The following OXR1 variants were observed in gnomAD, a reference collection of about 807,000 sequenced individuals.
OXR1 encodes oxidation resistance protein 1.
A neutral mutation model predicts 104.6 loss-of-function variants in OXR1; 41 were observed. The observed-to-expected ratio is 0.39, with a 90% CI of 0.31 to 0.51. The LOEUF (loss-of-function observed/expected upper bound fraction) is 0.51, where lower values mean the gene tolerates loss of function less well. Among genes scored for constraint, OXR1 ranks in the 20% least tolerant of loss-of-function variants. The probability of loss-of-function intolerance (pLI) is 0.77; values close to 1 mark genes in which losing one functional copy is unlikely to be tolerated. For missense variants in OXR1, 955 were observed against 1,031.9 expected, an observed-to-expected ratio of 0.93 and a Z score of 1.02; for synonymous variants, 348 against 348.4, an observed-to-expected ratio of 1.00 and a Z score of 0.01.
intron 2 of OXR1, among the ~76,000 whole-genome samples, chr8:106,372,138 C>A (rs909003697): frequency 1.8e-4 from 27 of 152,152 alleles, no homozygotes; most frequent in African/African-American, 6.3e-4. Flanking sequence ...GAACAGTAGG[C>A]CTGGTGGCAT....
At position 106,303,253 on chromosome 8, in the gene OXR1, T is replaced by C. The variant is rs1366317561; in HGVS notation, c.-139+32886T>C. Among the ~76,000 whole-genome samples the C allele has an allele frequency of 3.0e-3, 296 of 98,066 alleles. 1 individual carries two copies. Among genetic ancestry groups the C allele is most frequent in the African/African-American group, 0.011 (191 of 16,960 alleles). 64.3% of individuals were successfully genotyped at this position (98,066 alleles called of 152,430 possible). ...TTGGCAATTTTTTTTTCTTTCTTTT[T>C]TTTTTTTTTTTTTTTTTTGAGTCAG... On this transcript the variant is annotated intron_variant, in intron 1 of 16. Transcript: ENST00000517566.
chr8:106,492,263 A>G (rs979307459), intron 2 of OXR1, among the ~76,000 whole-genome samples: 2 of 152,172 alleles, frequency 1.3e-5, no homozygotes, highest in Non-Finnish European at 2.9e-5. Context: ...AGCAAGTGCT[A>G]TGTGTTGCTA....
chr8:106,563,043 C>T (rs368366022), intron 3 of OXR1, among the ~76,000 whole-genome samples: 63 of 152,194 alleles, frequency 4.1e-4, no homozygotes, highest in African/African-American at 1.4e-3. Context: ...ACCATTGACA[C>T]GACAAAGAAA....
intron 2 of OXR1, among the ~76,000 whole-genome samples, chr8:106,443,378 T>A (rs1263571087): frequency 6.6e-6 from 1 of 152,126 alleles, no homozygotes; most frequent in East Asian, 1.9e-4. Flanking sequence ...GAACAATGTA[T>A]ACTCTGTTGA....
intron 2 of OXR1, among the ~76,000 whole-genome samples, chr8:106,391,449 A>T (rs1185871612): frequency 6.6e-6 from 1 of 152,164 alleles, no homozygotes; most frequent in Non-Finnish European, 1.5e-5. Context: ...TGACCATGAC[A>T]TACACTCCTT....
At chr8:106,738,852 CA>C (rs1375939692) in intron 12 of OXR1, among the ~76,000 whole-genome samples, 3 of 150,494 alleles carry the variant, frequency 2.0e-5, no homozygotes, top group African/African-American at 7.3e-5. Flanking sequence ...TTGTTTGGTC[CA>C]AGTAGATGAA....
intron 3 of OXR1, among the ~76,000 whole-genome samples, chr8:106,535,221 G>A (rs1391973728): frequency 6.6e-6 from 1 of 152,048 alleles, no homozygotes; most frequent in African/African-American, 2.4e-5. Flanking sequence ...TCTTGGACGA[G>A]AACTATGATC....
chr8:106,545,283 A>G (rs78700118), intron 3 of OXR1, among the ~76,000 whole-genome samples: 7,494 of 152,316 alleles, frequency 0.049, 208 homozygotes, highest in Middle Eastern at 0.068. Flanking sequence ...AATGTGATTG[A>G]TTGTCTGAAA....
chr8:106,748,512 T>G (rs1340737961), intron 16 of OXR1, among the ~76,000 whole-genome samples: 1 of 151,536 alleles, frequency 6.6e-6, no homozygotes, highest in Non-Finnish European at 1.5e-5. Context: ...TGTGAATTAC[T>G]ATACTGATCT....
At chr8:106,383,436 T>C (rs576231830) in intron 2 of OXR1, among the ~76,000 whole-genome samples, 2 of 152,324 alleles carry the variant, frequency 1.3e-5, no homozygotes, top group Non-Finnish European at 2.9e-5. Flanking sequence ...AAATGAAGCA[T>C]CGCCTGTAAG....
intron 1 of OXR1, among the ~76,000 whole-genome samples, chr8:106,283,224 C>T (rs908879765): frequency 2.0e-5 from 3 of 152,220 alleles, no homozygotes; most frequent in Non-Finnish European, 4.4e-5. Flanking sequence ...GGGCTTTCTA[C>T]AGGGCTTTTC....
At chr8:106,271,125 A>G (rs755966722) in intron 1 of OXR1, among the ~76,000 whole-genome samples, 2 of 151,682 alleles carry the variant, frequency 1.3e-5, no homozygotes, top group African/African-American at 2.4e-5. Context: ...CGGGCGGAGG[A>G]ACTGGGCTGC....
At chr8:106,572,681 T>G (rs577095628) in intron 3 of OXR1, among the ~76,000 whole-genome samples, 3 of 152,288 alleles carry the variant, frequency 2.0e-5, no homozygotes, top group South Asian at 2.1e-4. Flanking sequence ...AAACTGCTCT[T>G]TCTCTAGTAT....
intron 2 of OXR1, among the ~76,000 whole-genome samples, chr8:106,501,633 C>G (rs1811814539): frequency 6.6e-6 from 1 of 152,096 alleles, no homozygotes; most frequent in Admixed American, 6.5e-5. Flanking sequence ...TAGGAGTCTC[C>G]CAATGATCCT....
chr8:106,363,431 A>G (rs1350587313), intron 2 of OXR1, among the ~76,000 whole-genome samples: 2 of 152,222 alleles, frequency 1.3e-5, no homozygotes, highest in Non-Finnish European at 2.9e-5. Context: ...AAAGAAATAA[A>G]CTAATTGCAA....
chr8:106,336,446 T>A (rs1814970086), intron 1 of OXR1, among the ~76,000 whole-genome samples: 1 of 152,246 alleles, frequency 6.6e-6, no homozygotes, highest in African/African-American at 2.4e-5. Flanking sequence ...AAGCAGTAGA[T>A]CTGACTCTAG....
chr8:106,637,779 T>G (rs1823271031), intron 3 of OXR1, among the ~76,000 whole-genome samples: 1 of 151,326 alleles, frequency 6.6e-6, no homozygotes, highest in African/African-American at 2.4e-5. Context: ...TTTTTTTTTT[T>G]TAGACGGAGT....
chr8:106,434,124 A>T (rs1208307541), intron 2 of OXR1, among the ~76,000 whole-genome samples: 3 of 128,958 alleles, frequency 2.3e-5, no homozygotes, highest in African/African-American at 1.1e-4. Flanking sequence ...AAATACCCTA[A>T]TTATGAATAT....
chr8:106,273,649 T>C (rs1180921070), intron 1 of OXR1, among the ~76,000 whole-genome samples: 2 of 152,238 alleles, frequency 1.3e-5, no homozygotes, highest in African/African-American at 2.4e-5. Context: ...TAGGATACTT[T>C]CAAATATTCC....
Sources: allele counts gnomAD v4.1 joint callset (sites outside exome capture counted in the v4.1 genomes callset), GRCh38; gene constraint gnomAD v4.1.1; transcripts MANE v1.5; gene names NCBI Gene and HGNC (gene_info 2026-07-23, HGNC 2026-07-21).